Variants in ANKFN1 observed in about 807,000 individuals in gnomAD.
ANKFN1 encodes the protein ankyrin repeat and fibronectin type III domain containing 1.
In ANKFN1, 74 loss-of-function variants were observed where a neutral mutation model predicts 108.7. That is an observed-to-expected ratio of 0.68 (90% CI 0.56 to 0.83). The LOEUF is 0.83. ANKFN1 is among the 40% of genes least tolerant of loss of function. The pLI is 0.00. For missense variants in ANKFN1, 1,505 were observed against 1,382.3 expected (o/e 1.09, Z -1.41); for synonymous variants, 547 against 516.2 (o/e 1.06, Z -0.81).
chr17:56,308,353 T>A (rs77287086), intron 3 of ANKFN1, among the ~76,000 whole-genome samples: 2,247 of 152,256 alleles, frequency 0.015, 59 homozygotes, highest in African/African-American at 0.05. Context: ...ATCCATGTAG[T>A]CATTACTAGT....
In ANKFN1 at chr17:56,515,837, T is replaced by A. The variant is rs1326074697; in HGVS notation, c.*4568T>A. On this transcript the variant is annotated 3_prime_UTR_variant, in exon 21 of 21. Transcript: ENST00000682825. ...TCTATTTCCACTAATAATGACTTTG[T>A]AAAACAGTTATTCAAAAGGATGGTT... Among the ~76,000 whole-genome samples the A allele has an allele frequency of 6.6e-6, 1 of 152,242 alleles. No individual in the cohort carries two copies. The highest frequency in any genetic ancestry group is 1.5e-5 in the Non-Finnish European group (1 of 68,044).
At chr17:56,055,146 C>A (rs1018207734) in intron 4 of ANKFN1, among the ~76,000 whole-genome samples, 3 of 151,176 alleles carry the variant, frequency 2.0e-5, no homozygotes, top group African/African-American at 7.3e-5. Context: ...GGGGATTTGG[C>A]TTCTAATGTA....
intron 3 of ANKFN1, among the ~76,000 whole-genome samples, chr17:56,266,597 T>C (rs1392777420): frequency 6.6e-6 from 1 of 152,194 alleles, no homozygotes; most frequent in Non-Finnish European, 1.5e-5. Flanking sequence ...TACATGACCT[T>C]AGTTTGCCAG....
chr17:56,380,231 A>T (rs950911225), intron 8 of ANKFN1, among the ~76,000 whole-genome samples: 2 of 152,222 alleles, frequency 1.3e-5, no homozygotes, highest in Non-Finnish European at 2.9e-5. Flanking sequence ...TTATGAATGA[A>T]CTCTCTTTTC....
chr17:56,200,200 AG>A (rs1913923107), intron 1 of ANKFN1, among the ~76,000 whole-genome samples: 2 of 152,236 alleles, frequency 1.3e-5, no homozygotes, highest in African/African-American at 4.8e-5. Context: ...AAAGAATCCA[AG>A]AAAAAGAGAA....
intron 4 of ANKFN1, among the ~76,000 whole-genome samples, chr17:56,087,350 C>CCATGATGCCT (rs1320650960): frequency 6.6e-6 from 1 of 151,350 alleles, no homozygotes; most frequent in Non-Finnish European, 1.5e-5. Flanking sequence ...ACAACAGTGA[C>CCATGATGCCT]CATGATGCCT....
At chr17:56,262,133 T>C (rs1473242107) in intron 3 of ANKFN1, among the ~76,000 whole-genome samples, 1 of 152,130 alleles carries the variant, frequency 6.6e-6, no homozygotes, top group African/African-American at 2.4e-5. Flanking sequence ...ACTAGGCAGG[T>C]TGAAAGACTT....
At chr17:56,173,080 T>G (rs1442097344) in intron 1 of ANKFN1, among the ~76,000 whole-genome samples, 1 of 152,230 alleles carries the variant, frequency 6.6e-6, no homozygotes, top group Non-Finnish European at 1.5e-5. Context: ...TGACCCTAAG[T>G]AAAATTTGTG....
chr17:56,299,513 TATTTAC>T (rs1426068267), intron 3 of ANKFN1, among the ~76,000 whole-genome samples: 1 of 152,240 alleles, frequency 6.6e-6, no homozygotes, highest in Non-Finnish European at 1.5e-5. Flanking sequence ...CTCTTTATTA[TATTTAC>T]ATTTGAATAC....
chr17:56,147,875 T>A (rs1908359031), intron 4 of ANKFN1, among the ~76,000 whole-genome samples: 1 of 152,210 alleles, frequency 6.6e-6, no homozygotes, highest in South Asian at 2.1e-4. Flanking sequence ...TCTCAACCTG[T>A]TAGCTACAAC....
intron 3 of ANKFN1, among the ~76,000 whole-genome samples, chr17:56,302,517 C>T (rs1011344230): frequency 1.0e-5 from 1 of 96,440 alleles, no homozygotes; most frequent in African/African-American, 4.0e-5. Flanking sequence ...CTAGCCTCTA[C>T]AAAAAAAAAA....
intron 18 of ANKFN1, among the ~76,000 whole-genome samples, chr17:56,491,977 A>G (rs534457170): frequency 1.3e-5 from 2 of 152,190 alleles, no homozygotes; most frequent in African/African-American, 4.8e-5. Context: ...CCTTACTAGG[A>G]GTTGGTAAAC....
intron 3 of ANKFN1, among the ~76,000 whole-genome samples, chr17:56,258,979 G>A (rs532167181): frequency 3.3e-5 from 5 of 152,046 alleles, no homozygotes; most frequent in East Asian, 1.9e-4. Context: ...GTTCCTTTGC[G>A]CTCATGAAAT....
rs552812947 is a variant in ANKFN1, at chr17:56,237,883, A to T, written c.53+9926A>T. 6.2e-4 allele frequency among the ~76,000 whole-genome samples: 94 copies of T among 152,016 alleles called. 1 individual carries two copies. The East Asian group carries it at 6.4e-3, about 10-fold the overall frequency. On this transcript the variant is annotated intron_variant, in intron 3 of 20. Coordinates refer to ENST00000682825, the MANE Select transcript of ANKFN1 (RefSeq NM_001370326.1). ...TTGTGATGTTAGGTTGTTAATTTGA[A>T]ATCTTTCTAACTTTTTGATGTGGGA...
chr17:56,176,895 G>A (rs1362733383), intron 1 of ANKFN1, among the ~76,000 whole-genome samples: 5 of 152,182 alleles, frequency 3.3e-5, no homozygotes, highest in African/African-American at 9.7e-5. Flanking sequence ...GGAGTATGGA[G>A]TCTCACAGGA....
At chr17:56,214,793 G>C (rs1270862162) in intron 2 of ANKFN1, among the ~76,000 whole-genome samples, 1 of 152,148 alleles carries the variant, frequency 6.6e-6, no homozygotes, top group Non-Finnish European at 1.5e-5. Flanking sequence ...CAGCCCATTT[G>C]AGTCTATTTC....
At chr17:56,415,585 A>G (rs934964748) in intron 8 of ANKFN1, among the ~76,000 whole-genome samples, 2 of 152,368 alleles carry the variant, frequency 1.3e-5, no homozygotes, top group East Asian at 3.9e-4. Flanking sequence ...AAGAGGACAC[A>G]TATCCCATGT....
upstream of ANKFN1, chr17:56,153,468 C>G: frequency 6.2e-7 from 1 of 1,613,350 alleles, no homozygotes; most frequent in Non-Finnish European, 8.5e-7. Context: ...CCTCCACCCC[C>G]CAGGTCCTCT....
At chr17:56,326,494 TC>T in intron 4 of ANKFN1, 139 bp downstream of exon 4, 1 of 1,093,642 alleles carries the variant, frequency 9.1e-7, no homozygotes, top group African/African-American at 1.6e-5. Flanking sequence ...CTGCAGGTGG[TC>T]CATGAAGAAT....
Sources: gnomAD v4.1 joint callset for allele counts (sites outside exome capture counted in the v4.1 genomes callset) on GRCh38, gnomAD v4.1.1 for gene constraint, MANE v1.5 for transcripts, NCBI Gene and HGNC (gene_info 2026-07-23, HGNC 2026-07-21) for gene names.